The following PTPN4 variants were observed in gnomAD, a reference collection of about 807,000 sequenced individuals.
The protein encoded by PTPN4 is protein tyrosine phosphatase non-receptor type 4.
PTPN4 carries 49 observed loss-of-function variants against 135.5 expected under a neutral mutation model. The observed-to-expected ratio is 0.36, with a 90% CI of 0.29 to 0.46. PTPN4 has a LOEUF of 0.46. Among genes scored for constraint, PTPN4 ranks in the 20% least tolerant of loss-of-function variants. The pLI is 1.00. For missense variants in PTPN4, 860 were observed against 1,101.0 expected, an observed-to-expected ratio of 0.78 and a Z score of 3.10; for synonymous variants, 333 against 369.9, an observed-to-expected ratio of 0.90 and a Z score of 1.14.
At chr2:119,924,717 A>T (rs958767227) in intron 12 of PTPN4, among the ~76,000 whole-genome samples, 7 of 119,460 alleles carry the variant, frequency 5.9e-5, no homozygotes, top group African/African-American at 1.5e-4. Context: ...ATTAATTTTA[A>T]AAAAAATTGT....
intron 3 of PTPN4, among the ~76,000 whole-genome samples, chr2:119,867,709 A>G (rs1379192991): frequency 6.6e-6 from 1 of 152,134 alleles, no homozygotes; most frequent in Non-Finnish European, 1.5e-5. Flanking sequence ...CAATTTTTAA[A>G]CCAACTTTGT....
At chr2:119,848,050 G>A (rs1175680902) in intron 2 of PTPN4, among the ~76,000 whole-genome samples, 2 of 151,846 alleles carry the variant, frequency 1.3e-5, no homozygotes, top group Non-Finnish European at 2.9e-5. Flanking sequence ...ATGCTTCTTG[G>A]TGTGGATCGT....
intron 1 of PTPN4, among the ~76,000 whole-genome samples, chr2:119,784,190 T>G (rs1460290881): frequency 1.3e-5 from 2 of 151,926 alleles, no homozygotes. Flanking sequence ...TCTACTGTAC[T>G]CTGTTGGTCA....
intron 9 of PTPN4, among the ~76,000 whole-genome samples, chr2:119,892,258 A>G (rs1026726429): frequency 6.6e-6 from 1 of 152,152 alleles, no homozygotes; most frequent in Non-Finnish European, 1.5e-5. Context: ...CTCATGAGGG[A>G]GCTTTCTGGA....
chr2:119,823,145 C>T (rs1677094584), intron 2 of PTPN4, among the ~76,000 whole-genome samples: 1 of 152,054 alleles, frequency 6.6e-6, no homozygotes, highest in Admixed American at 6.5e-5. Flanking sequence ...TTTTGTTTGA[C>T]CTCTAGGAGC....
chr2:119,849,042 A>G (rs1467182495), intron 2 of PTPN4, among the ~76,000 whole-genome samples: 1 of 152,106 alleles, frequency 6.6e-6, no homozygotes, highest in African/African-American at 2.4e-5. Context: ...GTGAAAAACC[A>G]TTTGATTTTG....
intron 1 of PTPN4, among the ~76,000 whole-genome samples, chr2:119,776,485 C>T (rs778885235): frequency 4.6e-5 from 7 of 152,098 alleles, no homozygotes; most frequent in African/African-American, 9.7e-5. Context: ...ATAATGTAAA[C>T]ATTTTAAGTG....
At chr2:119,943,370 C>G (rs1191859597) in intron 15 of PTPN4, among the ~76,000 whole-genome samples, 1 of 152,040 alleles carries the variant, frequency 6.6e-6, no homozygotes, top group African/African-American at 2.4e-5. Flanking sequence ...TCTTGTTATG[C>G]TTGATCACAA....
intron 1 of PTPN4, among the ~76,000 whole-genome samples, chr2:119,773,729 C>CT (rs1183418185): frequency 5.1e-5 from 6 of 118,554 alleles, no homozygotes; most frequent in Middle Eastern, 4.8e-3. Flanking sequence ...GAGCAAGACT[C>CT]TGTCTCAAAA....
chr2:119,931,433 C>CTTTCT (rs1558767480), intron 13 of PTPN4, among the ~76,000 whole-genome samples: 1 of 83,356 alleles, frequency 1.2e-5, no homozygotes, highest in East Asian at 3.6e-4. Context: ...TTCTTTCTTT[C>CTTTCT]TTTTTTTTTT....
intron 3 of PTPN4, among the ~76,000 whole-genome samples, chr2:119,866,400 G>A (rs1048467896): frequency 2.6e-5 from 4 of 151,998 alleles, no homozygotes; most frequent in Admixed American, 2.0e-4. Context: ...TCTTTGCATA[G>A]CTCCTAACCC....
chr2:119,917,981 T>G (rs1169532071), intron 11 of PTPN4, among the ~76,000 whole-genome samples: 1 of 152,190 alleles, frequency 6.6e-6, no homozygotes, highest in African/African-American at 2.4e-5. Context: ...GTATACCAAG[T>G]GTCAAAATGG....
At chr2:119,845,500 C>T (rs979229221) in intron 2 of PTPN4, among the ~76,000 whole-genome samples, 1 of 152,108 alleles carries the variant, frequency 6.6e-6, no homozygotes, top group Middle Eastern at 3.2e-3. Flanking sequence ...CATTATCTAT[C>T]GGCATACATT....
In PTPN4 at chr2:119,760,116, T is replaced by C; in HGVS notation, c.-286T>C. On this transcript the variant is annotated 5_prime_UTR_variant, in exon 1 of 27. Transcript: ENST00000263708. ...CCTCCCCCACGCACTTTTGGGGGTG[T>C]GGATTATCTCATCCCTGCAGGGAGG... 5.1e-6 allele frequency: 2 copies of C among 389,680 alleles called. No individual in the cohort carries two copies. The highest frequency in any genetic ancestry group is 9.1e-6 in the Non-Finnish European group (2 of 220,766). 24.1% of individuals were successfully genotyped at this position (389,680 alleles called of 1,614,324 possible).
At chr2:119,824,520 G>A (rs546336631) in intron 2 of PTPN4, among the ~76,000 whole-genome samples, 1 of 152,124 alleles carries the variant, frequency 6.6e-6, no homozygotes, top group African/African-American at 2.4e-5. Context: ...ATCAATTATC[G>A]AGAGAGTAGC....
chr2:119,826,614 C>CCCT (rs919748810), intron 2 of PTPN4, among the ~76,000 whole-genome samples: 134 of 152,286 alleles, frequency 8.8e-4, no homozygotes, highest in African/African-American at 3.0e-3. Context: ...ACAGTACAAT[C>CCCT]CCTCCCCTAT....
chr2:119,818,957 C>A (rs1262619057), intron 2 of PTPN4, among the ~76,000 whole-genome samples: 1 of 152,166 alleles, frequency 6.6e-6, no homozygotes, highest in Non-Finnish European at 1.5e-5. Context: ...CAGCTATTTT[C>A]TCCTAGAAAT....
At chr2:119,853,838 C>G (rs745875228) in intron 2 of PTPN4, among the ~76,000 whole-genome samples, 4 of 152,094 alleles carry the variant, frequency 2.6e-5, no homozygotes, top group African/African-American at 9.7e-5. Context: ...TGATAGGGCT[C>G]TGATGACTAG....
At chr2:119,772,108 G>T (rs775015578) in intron 1 of PTPN4, among the ~76,000 whole-genome samples, 8 of 152,136 alleles carry the variant, frequency 5.3e-5, no homozygotes, top group Non-Finnish European at 8.8e-5. Context: ...AAATGCCAAG[G>T]ACTTCCAAAT....
Sources: allele counts gnomAD v4.1 joint callset (sites outside exome capture counted in the v4.1 genomes callset), GRCh38; gene constraint gnomAD v4.1.1; transcripts MANE v1.5; gene names NCBI Gene and HGNC (gene_info 2026-07-23, HGNC 2026-07-21).